The following AFF3 variants were observed in gnomAD, a reference collection of about 807,000 sequenced individuals.
AFF3 encodes the protein AF4/FMR2 family member 3.
In AFF3, 32 loss-of-function variants were observed where a neutral mutation model predicts 129.7. That is an observed-to-expected ratio of 0.25 (90% CI 0.19 to 0.33). The LOEUF is 0.33. Among genes scored for constraint, AFF3 ranks in the 10% least tolerant of loss-of-function variants. AFF3 has a pLI of 1.00. For missense variants in AFF3, 1,373 were observed against 1,592.0 expected, an observed-to-expected ratio of 0.86 and a Z score of 2.34; for synonymous variants, 644 against 635.4, an observed-to-expected ratio of 1.01 and a Z score of -0.20.
chr2:99,984,060 G>A (rs935424969), intron 7 of AFF3, among the ~76,000 whole-genome samples: 9 of 151,876 alleles, frequency 5.9e-5, no homozygotes, highest in Non-Finnish European at 8.8e-5. Context: ...AATATAGAAG[G>A]GTTTTGCCCC....
At chr2:99,888,179 C>G (rs747103144) in intron 7 of AFF3, among the ~76,000 whole-genome samples, 2 of 152,062 alleles carry the variant, frequency 1.3e-5, no homozygotes, top group Non-Finnish European at 2.9e-5. Context: ...TGGAAAGGCA[C>G]AACTCGAAAA....
chr2:99,617,310 G>A (rs1026193194), intron 13 of AFF3, among the ~76,000 whole-genome samples: 26 of 152,114 alleles, frequency 1.7e-4, no homozygotes, highest in African/African-American at 6.3e-4. Context: ...CATGCTTGTC[G>A]GCAACTGTTA....
intron 14 of AFF3, among the ~76,000 whole-genome samples, chr2:99,597,889 T>C (rs1679446444): frequency 6.6e-6 from 1 of 152,258 alleles, no homozygotes; most frequent in African/African-American, 2.4e-5. Flanking sequence ...CAGCTCTCCA[T>C]CATGCACTCT....
At chr2:99,872,152 G>C (rs1224709742) in intron 7 of AFF3, among the ~76,000 whole-genome samples, 3 of 139,762 alleles carry the variant, frequency 2.1e-5, no homozygotes, top group African/African-American at 5.4e-5. Flanking sequence ...GTTGCAGTGA[G>C]CCGAGATCGC....
At chr2:99,860,811 A>G (rs564291733) in intron 7 of AFF3, among the ~76,000 whole-genome samples, 179 of 152,336 alleles carry the variant, frequency 1.2e-3, no homozygotes, top group Non-Finnish European at 2.1e-3. Context: ...ATATGTATAT[A>G]TTGTGTAAAG....
intron 7 of AFF3, among the ~76,000 whole-genome samples, chr2:99,844,975 A>G (rs780372350): frequency 2.6e-5 from 4 of 152,152 alleles, no homozygotes; most frequent in African/African-American, 4.8e-5. Flanking sequence ...AAAAAAGACT[A>G]TTTACAAAAT....
chr2:99,593,257 G>T lies in AFF3; in HGVS notation c.2404C>A (p.Pro802Thr), dbSNP rs1481466003. 3.7e-6 allele frequency: 6 copies of T among 1,612,500 alleles called. No homozygotes were observed. ...PATKDSESAP[P>T]SHTSDTPAEK... ...GCAGGTGTGTCCGAGGTGTGGCTGG[G>T]CGGTGCGCTCTCAGAGTCCTTGGTG... Residue 802 changes from proline to threonine, a missense_variant, in exon 15 of 25, where the codon CCC becomes ACC. Physicochemically the swap from Pro to Thr is conservative, Grantham distance 38. Transcript: ENST00000672756.
At chr2:99,827,394 G>A (rs1654384295) in intron 8 of AFF3, among the ~76,000 whole-genome samples, 1 of 152,114 alleles carries the variant, frequency 6.6e-6, no homozygotes, top group African/African-American at 2.4e-5. Flanking sequence ...AAGGGCATGA[G>A]CATTTTCACG....
chr2:99,590,924 C>T (rs1485042108), intron 15 of AFF3, among the ~76,000 whole-genome samples: 1 of 149,976 alleles, frequency 6.7e-6, no homozygotes, highest in African/African-American at 2.5e-5. Context: ...ACCCAGGAGG[C>T]GGAGGTTGTG....
chr2:99,595,922 G>A (rs1320057152), intron 14 of AFF3, among the ~76,000 whole-genome samples: 1 of 152,204 alleles, frequency 6.6e-6, no homozygotes, highest in Non-Finnish European at 1.5e-5. Flanking sequence ...CTGCCCTTTG[G>A]GGCAGACTGG....
rs1682059027 is a variant in AFF3, at chr2:100,007,272, C to A, written c.363G>T (p.Gln121His). The part of the protein sequence containing the change: ...HFVADSRAQN[Q>H]PSSICSTTTS... Reference sequence around the variant, plus strand: ...TTGTAGTGCTACAGATAGACGAGGGCTGGTTCTGGGCTCTTGAATCTGCAA... The same window carrying A: ...TTGTAGTGCTACAGATAGACGAGGGATGGTTCTGGGCTCTTGAATCTGCAA... Residue 121 changes from glutamine (Q) to histidine (H), a missense_variant, in exon 6 of 25, where the codon CAG becomes CAT. Gln to His is a conservative substitution (Grantham distance 24, BLOSUM62 0). Transcript: ENST00000672756. 2 of 1,614,114 alleles carry A rather than the reference C, an allele frequency of 1.2e-6. No individual in the cohort carries two copies. The highest frequency in any genetic ancestry group is 1.7e-6 in the Non-Finnish European group (2 of 1,180,008).
chr2:99,799,483 T>C (rs1037948971), intron 8 of AFF3, among the ~76,000 whole-genome samples: 1 of 151,966 alleles, frequency 6.6e-6, no homozygotes, highest in Non-Finnish European at 1.5e-5. Context: ...GAGAAGCAAA[T>C]AGAGAGACAT....
intron 8 of AFF3, among the ~76,000 whole-genome samples, chr2:99,832,423 A>G (rs1009793223): frequency 3.3e-5 from 5 of 152,316 alleles, no homozygotes; most frequent in Non-Finnish European, 5.9e-5. Flanking sequence ...CACCTCTGCT[A>G]GAAAATGAAC....
In AFF3 at chr2:99,822,740, C is replaced by T. The variant is rs183628670; in HGVS notation, c.921+14737G>A. ...CATGCTAGGAATCTGCTGCTGTTCC[C>T]GGGGCTTTATTCCCATCACAGTGGG... On this transcript the variant is annotated intron_variant, in intron 8 of 24. Coordinates refer to ENST00000672756, the MANE Select transcript of AFF3 (RefSeq NM_001386135.1). Among the ~76,000 whole-genome samples the T allele has an allele frequency of 6.3e-3, 955 of 152,236 alleles. 6 individuals are homozygous for T. Among genetic ancestry groups the T allele is most frequent in the Non-Finnish European group, 0.011 (719 of 68,016 alleles).
chr2:99,904,400 T>C (rs1467494210), intron 7 of AFF3, among the ~76,000 whole-genome samples: 1 of 151,656 alleles, frequency 6.6e-6, no homozygotes, highest in Admixed American at 6.6e-5. Context: ...TGGTTAAATT[T>C]AGAGTTCGGA....
intron 7 of AFF3, among the ~76,000 whole-genome samples, chr2:99,945,620 T>C (rs1167947930): frequency 2.0e-5 from 3 of 152,204 alleles, no homozygotes; most frequent in Admixed American, 2.0e-4. Flanking sequence ...AAACTCTCCA[T>C]CGGCCTCACC....
chr2:100,135,811 G>T (rs1314076249), intron 1 of AFF3, among the ~76,000 whole-genome samples: 1 of 152,194 alleles, frequency 6.6e-6, no homozygotes, highest in Admixed American at 6.5e-5. Context: ...ACAGTGTGAA[G>T]GAGGGAGAGT....
chr2:99,692,344 G>T (rs529571604), intron 11 of AFF3, among the ~76,000 whole-genome samples: 10 of 152,114 alleles, frequency 6.6e-5, no homozygotes, highest in Non-Finnish European at 1.0e-4. Flanking sequence ...AGTGGATTCT[G>T]CTCTCCCCCT....
intron 7 of AFF3, among the ~76,000 whole-genome samples, chr2:99,898,163 A>T (rs1015658865): frequency 8.5e-5 from 13 of 152,202 alleles, no homozygotes; most frequent in Non-Finnish European, 1.8e-4. Context: ...TGCAGAGTGG[A>T]AGATGTCTGA....
Sources: gnomAD v4.1 joint callset for allele counts (sites outside exome capture counted in the v4.1 genomes callset) on GRCh38, gnomAD v4.1.1 for gene constraint, MANE v1.5 for transcripts, NCBI Gene and HGNC (gene_info 2026-07-23, HGNC 2026-07-21) for gene names.